TMTC2: variants seen among roughly 807,000 people sequenced by gnomAD.
The protein encoded by TMTC2 is protein O-mannosyl-transferase TMTC2.
A neutral mutation model predicts 82.4 loss-of-function variants in TMTC2; 43 were observed. The ratio of observed to expected loss-of-function variants is 0.52; its 90% CI spans 0.41 to 0.67. The LOEUF is 0.67. Among genes scored for constraint, TMTC2 ranks in the 30% least tolerant of loss-of-function variants. TMTC2 has a pLI of 0.00. For missense variants in TMTC2, 919 were observed against 1,012.4 expected (o/e 0.91, Z 1.25); for synonymous variants, 408 against 381.9 (o/e 1.07, Z -0.80).
At chr12:82,876,087 A>AGTAATGGTGGTGGTGGTGGTGGTGGTG (rs1872529889) in intron 2 of TMTC2, among the ~76,000 whole-genome samples, 1 of 117,490 alleles carries the variant, frequency 8.5e-6, no homozygotes, top group African/African-American at 3.9e-5. Flanking sequence ...GATGGTGATT[A>AGTAATGGTGGTGGTGGTGGTGGTGGTG]GTATTCATAA....
At chr12:82,844,646 C>T (rs1870533352) in intron 1 of TMTC2, among the ~76,000 whole-genome samples, 3 of 151,766 alleles carry the variant, frequency 2.0e-5, no homozygotes, top group African/African-American at 7.3e-5. Context: ...CTAAAAAATA[C>T]AAAAAGTTAG....
intron 1 of TMTC2, among the ~76,000 whole-genome samples, chr12:82,696,964 G>GTGTATATATATA (rs374532592): frequency 1.2e-4 from 17 of 141,548 alleles, no homozygotes; most frequent in South Asian, 2.3e-4. Flanking sequence ...ACATACATAC[G>GTGTATATATATA]TATATATATA....
intron 11 of TMTC2, among the ~76,000 whole-genome samples, chr12:83,087,292 C>A (rs1183042086): frequency 2.0e-5 from 3 of 152,148 alleles, no homozygotes; most frequent in Non-Finnish European, 4.4e-5. Context: ...TTCTCTTGTT[C>A]TTTTTACCAT....
chr12:82,738,678 A>C (rs183041369), intron 1 of TMTC2, among the ~76,000 whole-genome samples: 1 of 152,232 alleles, frequency 6.6e-6, no homozygotes, highest in Admixed American at 6.5e-5. Flanking sequence ...TGTCATTCAT[A>C]TGGAATGAGA....
intron 2 of TMTC2, among the ~76,000 whole-genome samples, chr12:82,859,670 G>C (rs560564193): frequency 1.3e-5 from 2 of 152,264 alleles, no homozygotes; most frequent in East Asian, 3.9e-4. Context: ...TCAAAAATAA[G>C]AAATGCCACT....
rs546942864 is a variant in TMTC2 at position 83,032,751 on chromosome 12, G to A, written c.2152+1872G>A. Among the ~76,000 whole-genome samples, 7 of 151,866 alleles carry A rather than the reference G, an allele frequency of 4.6e-5. No individual in the cohort carries two copies. The South Asian group carries it at 1.5e-3, about 32-fold the overall frequency. ...TTTTTTTTTATTTTTAGTAGAGATA[G>A]GGTTTCACCATGTTGGCCAGGCTGG... On this transcript the variant is annotated intron_variant, in intron 9 of 11. Transcript: ENST00000321196.
Position 82,752,656 on chromosome 12 carries a change from A to C in TMTC2, c.83+64987A>C, listed in dbSNP as rs181520445. Among the ~76,000 whole-genome samples, 11 of 151,950 alleles carry C rather than the reference A, an allele frequency of 7.2e-5. No individual in the cohort carries two copies. The East Asian group carries it at 2.1e-3, about 29-fold the overall frequency. On this transcript the variant is annotated intron_variant, in intron 1 of 11. Transcript: ENST00000321196. Reference sequence around the variant, plus strand: ...TACCACCTCCAGCAAATTAATCTTAAAATAGGCCTATATAGCTGCATAACA... The same window carrying C: ...TACCACCTCCAGCAAATTAATCTTACAATAGGCCTATATAGCTGCATAACA...
chr12:83,098,156 C>T (rs902387530), intron 11 of TMTC2, among the ~76,000 whole-genome samples: 2 of 152,150 alleles, frequency 1.3e-5, no homozygotes, highest in East Asian at 3.9e-4. Flanking sequence ...TGGTTTGGTC[C>T]TACCCACAGA....
intron 1 of TMTC2, among the ~76,000 whole-genome samples, chr12:82,840,660 A>G (rs921342002): frequency 3.3e-5 from 5 of 152,262 alleles, no homozygotes; most frequent in Admixed American, 3.3e-4. Flanking sequence ...TGTAGTAGTC[A>G]TAGACATGGA....
intron 3 of TMTC2, among the ~76,000 whole-genome samples, chr12:82,908,707 G>T (rs891803341): frequency 1.3e-5 from 2 of 152,018 alleles, no homozygotes; most frequent in Non-Finnish European, 2.9e-5. Context: ...TTCCCTCAAA[G>T]ATTTTATGTA....
intron 1 of TMTC2, among the ~76,000 whole-genome samples, chr12:82,692,814 G>GT (rs1041792802): frequency 5.3e-5 from 8 of 152,104 alleles, no homozygotes; most frequent in South Asian, 2.1e-4. Context: ...TAGGAGCTCA[G>GT]TTTTTTAAAA....
At chr12:82,692,800 C>T (rs1872634581) in intron 1 of TMTC2, among the ~76,000 whole-genome samples, 1 of 152,156 alleles carries the variant, frequency 6.6e-6, no homozygotes, top group Admixed American at 6.5e-5. Flanking sequence ...TAGCTGTCCT[C>T]ATTTAGGAGC....
chr12:83,030,433 C>G (rs899282151), intron 8 of TMTC2, among the ~76,000 whole-genome samples: 21 of 152,012 alleles, frequency 1.4e-4, no homozygotes, highest in Non-Finnish European at 4.4e-5. Flanking sequence ...GAAGAGGAAG[C>G]AAATGAAAGG....
chr12:82,765,361 A>G (rs1238079748), intron 1 of TMTC2, among the ~76,000 whole-genome samples: 1 of 152,156 alleles, frequency 6.6e-6, no homozygotes, highest in African/African-American at 2.4e-5. Context: ...CCCCAAACAG[A>G]CTAATGACTC....
At chr12:83,057,209 T>A (rs1319889551) in intron 10 of TMTC2, among the ~76,000 whole-genome samples, 1 of 152,088 alleles carries the variant, frequency 6.6e-6, no homozygotes, top group South Asian at 2.1e-4. Flanking sequence ...AACTCTGCCC[T>A]TAGCAGCCCC....
chr12:83,087,644 G>A (rs1340528522), intron 11 of TMTC2, among the ~76,000 whole-genome samples: 1 of 152,222 alleles, frequency 6.6e-6, no homozygotes, highest in Non-Finnish European at 1.5e-5. Flanking sequence ...CTTCATTGGA[G>A]CTCTTGGGTG....
At chr12:82,737,751 A>G (rs1319438985) in intron 1 of TMTC2, among the ~76,000 whole-genome samples, 1 of 152,204 alleles carries the variant, frequency 6.6e-6, no homozygotes, top group Non-Finnish European at 1.5e-5. Flanking sequence ...TTAAATCTGT[A>G]ATGCTCAACC....
At chr12:82,969,737 G>T (rs1408379042) in intron 7 of TMTC2, among the ~76,000 whole-genome samples, 4 of 151,898 alleles carry the variant, frequency 2.6e-5, no homozygotes, top group Admixed American at 6.6e-5. Context: ...ATTTTATTAT[G>T]GCAGCTTATA....
At chr12:83,121,580 T>G (rs933220542) in intron 11 of TMTC2, among the ~76,000 whole-genome samples, 10 of 152,196 alleles carry the variant, frequency 6.6e-5, no homozygotes, top group African/African-American at 1.7e-4. Context: ...ATGGACTCTT[T>G]GAGGGTTCTT....
Sources: gnomAD v4.1 joint callset for allele counts (sites outside exome capture counted in the v4.1 genomes callset) on GRCh38, gnomAD v4.1.1 for gene constraint, MANE v1.5 for transcripts, NCBI Gene and HGNC (gene_info 2026-07-23, HGNC 2026-07-21) for gene names.